Variants in ANO4 observed in about 807,000 individuals in gnomAD.
The protein encoded by ANO4 is anoctamin-4.
ANO4 carries 69 observed loss-of-function variants against 141.9 expected under a neutral mutation model. That is an observed-to-expected ratio of 0.49 (90% CI 0.40 to 0.59). The LOEUF is 0.59. ANO4 is among the 20% of genes least tolerant of loss of function. ANO4 has a pLI of 0.00. For missense variants in ANO4, 894 were observed against 1,162.2 expected (o/e 0.77, Z 3.36); for synonymous variants, 350 against 394.3 (o/e 0.89, Z 1.33).
intron 1 of ANO4, among the ~76,000 whole-genome samples, chr12:100,865,814 G>A (rs958546211): frequency 6.6e-6 from 1 of 152,194 alleles, no homozygotes; most frequent in Admixed American, 6.5e-5. Flanking sequence ...GGACATTACA[G>A]CGCTGTGGGA....
At chr12:101,081,685 A>G (rs1173179905) in intron 15 of ANO4, among the ~76,000 whole-genome samples, 3 of 152,170 alleles carry the variant, frequency 2.0e-5, no homozygotes, top group Non-Finnish European at 4.4e-5. Context: ...GGCTTCAACA[A>G]TAGAAACTTA....
At chr12:101,078,852 C>T (rs2049130819) in intron 14 of ANO4, among the ~76,000 whole-genome samples, 1 of 152,146 alleles carries the variant, frequency 6.6e-6, no homozygotes, top group African/African-American at 2.4e-5. Context: ...AAAATAAATG[C>T]TGTATCAATT....
intron 3 of ANO4, among the ~76,000 whole-genome samples, chr12:100,938,459 A>G (rs988919623): frequency 6.6e-6 from 1 of 152,260 alleles, no homozygotes; most frequent in African/African-American, 2.4e-5. Context: ...TATTTTGTGC[A>G]GTGGCTTCTG....
chr12:100,812,022 G>A (rs2373380), intron 1 of ANO4, among the ~76,000 whole-genome samples: 114,204 of 152,010 alleles, frequency 0.75, 43,510 homozygotes, highest in East Asian at 0.94. Context: ...ATATACACAT[G>A]CACACACATA....
chr12:100,931,083 T>C (rs979831981), intron 3 of ANO4, among the ~76,000 whole-genome samples: 1 of 152,206 alleles, frequency 6.6e-6, no homozygotes, highest in Non-Finnish European at 1.5e-5. Flanking sequence ...TTTTTTCTTA[T>C]TGGTAAACCA....
chr12:100,903,927 A>G (rs1360311320), intron 2 of ANO4, among the ~76,000 whole-genome samples: 3 of 152,202 alleles, frequency 2.0e-5, no homozygotes, highest in Admixed American at 6.5e-5. Flanking sequence ...GAGTATATCA[A>G]TGTGCTTTCA....
At chr12:101,121,054 ATTCTTTTTTTCTTT>A (rs2051069595) in intron 26 of ANO4, among the ~76,000 whole-genome samples, 1 of 152,174 alleles carries the variant, frequency 6.6e-6, no homozygotes, top group South Asian at 2.1e-4. Flanking sequence ...AGTAAGATTC[ATTCTTTTTTTCTTT>A]TTCTTTTTCA....
At chr12:101,051,241 G>A (rs565200055) in intron 14 of ANO4, among the ~76,000 whole-genome samples, 1 of 152,276 alleles carries the variant, frequency 6.6e-6, no homozygotes, top group Admixed American at 6.5e-5. Flanking sequence ...CTGGCTGCCT[G>A]GAGCATGGAG....
chr12:101,042,067 C>T (rs1431997478), intron 11 of ANO4, among the ~76,000 whole-genome samples: 3 of 152,174 alleles, frequency 2.0e-5, no homozygotes, highest in Non-Finnish European at 2.9e-5. Context: ...ACTCCGGCCC[C>T]TTCCAGTCCA....
rs184210382 is a variant in ANO4, at chr12:101,086,179, A to G, written c.1537-481A>G. Among the ~76,000 whole-genome samples the G allele has an allele frequency of 1.5e-3, 225 of 150,696 alleles. 1 individual carries two copies. The highest frequency in any genetic ancestry group is 4.8e-3 in the African/African-American group (198 of 41,160). ...ACAGGCAAAGGAAATAGTCTTGGCA[A>G]TTAAGGGTGCTTAGCCCGTTTGATG... On this transcript the variant is annotated intron_variant, in intron 16 of 27. Coordinates refer to ENST00000392977, the MANE Select transcript of ANO4 (RefSeq NM_001286615.2).
Position 100,717,538 on chromosome 12 carries a change from AC to A in ANO4, c.15del (p.Ala6HisfsTer6). On this transcript the variant is annotated frameshift_variant, in exon 1 of 30. Transcript: ENST00000644049. LOFTEE classifies it high-confidence loss of function. Reference sequence around the variant, plus strand: ...GACGCGGGCCAGGATGGCCTCCCTCACCGCATACGGTAACTGGGGCCGTCGC... The same window carrying A: ...GACGCGGGCCAGGATGGCCTCCCTCACGCATACGGTAACTGGGGCCGTCGC... 1 of 399,306 alleles carries A rather than the reference AC, an allele frequency of 2.5e-6. No individual in the cohort carries two copies. Among genetic ancestry groups the A allele is most frequent in the Non-Finnish European group, 4.4e-6 (1 of 225,900 alleles). 24.7% of individuals were successfully genotyped at this position (399,306 alleles called of 1,614,324 possible). A position where few individuals can be genotyped will look rare whatever the true frequency, so the allele number is the denominator to read the frequency against.
intron 14 of ANO4, chr12:101,068,609 T>C: frequency 7.1e-7 from 1 of 1,417,630 alleles, no homozygotes; most frequent in Non-Finnish European, 1.0e-6. Context: ...GCTGATGCAG[T>C]CCTTTTTACT....
intron 1 of ANO4, among the ~76,000 whole-genome samples, chr12:100,870,179 A>C (rs2038961186): frequency 6.6e-6 from 1 of 152,194 alleles, no homozygotes; most frequent in Admixed American, 6.5e-5. Flanking sequence ...GGTTGCTGGA[A>C]AGAAGCTGGG....
rs561716493 is a variant in ANO4 at position 100,770,115 on chromosome 12, C to A, written c.358+30010C>A. ...ATAGCTATGTAACACCGTGTTTTCC[C>A]TTTTTGCTTTGGCTACCAGGACACT... On this transcript the variant is annotated intron_variant, in intron 3 of 29. Coordinates refer to the ANO4 transcript ENST00000644049. 2.0e-5 allele frequency among the ~76,000 whole-genome samples: 3 copies of A among 152,280 alleles called. No individual in the cohort carries two copies. In the East Asian group the frequency reaches 5.8e-4, roughly 29 times the overall value.
At chr12:100,766,770 T>G (rs1285650956) in intron 3 of ANO4, among the ~76,000 whole-genome samples, 2 of 152,170 alleles carry the variant, frequency 1.3e-5, no homozygotes, top group Non-Finnish European at 2.9e-5. Flanking sequence ...TTCTTATTGA[T>G]TTTCTGGCAG....
intron 3 of ANO4, among the ~76,000 whole-genome samples, chr12:100,776,667 G>T (rs919359947): frequency 6.6e-6 from 1 of 152,196 alleles, no homozygotes; most frequent in Non-Finnish European, 1.5e-5. Flanking sequence ...ATTGACTTAA[G>T]ATTTTTCTTG....
chr12:100,959,112 C>CCACA (rs555751714), intron 5 of ANO4, among the ~76,000 whole-genome samples: 59 of 151,772 alleles, frequency 3.9e-4, no homozygotes, highest in African/African-American at 8.0e-4. Context: ...CAACCCCCCT[C>CCACA]CACAGACACA....
rs776013317 is a variant in ANO4 at position 101,094,244 on chromosome 12, T to C, written c.1702-12T>C. ...CAGTTCATTTATTAAATGCATGAAATTTATTTTACAGCTCTATGAAAAAGT... is the reference window on the plus strand; with the variant it reads ...CAGTTCATTTATTAAATGCATGAAACTTATTTTACAGCTCTATGAAAAAGT... On this transcript the variant is annotated splice_polypyrimidine_tract_variant and intron_variant, in intron 17 of 27. Coordinates refer to ENST00000392977, the MANE Select transcript of ANO4 (RefSeq NM_001286615.2). 1 of 1,607,280 alleles carries C rather than the reference T, an allele frequency of 6.2e-7. No homozygotes were observed. Among genetic ancestry groups the C allele is most frequent in the South Asian group, 1.1e-5 (1 of 90,656 alleles).
intron 5 of ANO4, among the ~76,000 whole-genome samples, chr12:100,942,951 C>T (rs956366411): frequency 1.3e-5 from 2 of 152,156 alleles, no homozygotes; most frequent in Non-Finnish European, 2.9e-5. Context: ...TCCTCGTACA[C>T]CAGAGGAGAC....
Sources: gnomAD v4.1 joint callset for allele counts (sites outside exome capture counted in the v4.1 genomes callset) on GRCh38, gnomAD v4.1.1 for gene constraint, MANE v1.5 for transcripts, NCBI Gene and HGNC (gene_info 2026-07-23, HGNC 2026-07-21) for gene names.